Variants in ATL1 observed in about 807,000 individuals in gnomAD.
The protein encoded by ATL1 is atlastin-1.
Under a neutral mutation model 75.5 loss-of-function variants are expected in ATL1, and 31 were observed. The observed-to-expected ratio is 0.41, with a 90% confidence interval of 0.31 to 0.55. The LOEUF (loss-of-function observed/expected upper bound fraction) is 0.55, where lower values mean the gene tolerates loss of function less well. Among genes scored for constraint, ATL1 ranks in the 20% least tolerant of loss-of-function variants. The pLI is 0.27. For synonymous variants in ATL1, 226 were observed against 233.3 expected, an observed-to-expected ratio of 0.97 and a Z score of 0.28; for missense variants, 405 against 662.6, an observed-to-expected ratio of 0.61 and a Z score of 4.27.
chr14:50,539,213 A>T (rs1475354766), intron 1 of ATL1, among the ~76,000 whole-genome samples: 1 of 152,252 alleles, frequency 6.6e-6, no homozygotes, highest in Non-Finnish European at 1.5e-5. Flanking sequence ...ACAATTACTC[A>T]AACTATCAGC....
chr14:50,620,819 G>A (rs1473883985), intron 9 of ATL1, 93 bp downstream of exon 9: 5 of 1,410,258 alleles, frequency 3.5e-6, no homozygotes, highest in Non-Finnish European at 4.0e-6. Context: ...CCGATAATAT[G>A]GGAGCAAAGG....
chr14:50,592,909 G>A (rs1282039827), intron 4 of ATL1, among the ~76,000 whole-genome samples: 13 of 94,656 alleles, frequency 1.4e-4, no homozygotes, highest in African/African-American at 2.6e-4. Flanking sequence ...CGAGACTCCC[G>A]TCTCAAAAAA....
chr14:50,578,147 A>C (rs943948268), intron 1 of ATL1, among the ~76,000 whole-genome samples: 7 of 152,194 alleles, frequency 4.6e-5, no homozygotes, highest in Non-Finnish European at 5.9e-5. Context: ...GGAATATTTA[A>C]TATGGTATTT....
chr14:50,628,252 C>T lies in ATL1; in HGVS notation c.1341C>T (p.Thr447=), dbSNP rs2140239227. ...AAAATATCTTCCATGCAGCTCGTAC[C>T]CCAGCCACACTGTTTGTAGTCATCT... The part of the protein sequence containing the change: ...DSKNIFHAAR[T]PATLFVVIFI... Residue 447 remains threonine, a synonymous_variant, in exon 12 of 14, where the codon ACC becomes ACT. Coordinates refer to ENST00000358385, the MANE Select transcript of ATL1 (RefSeq NM_015915.5). 5 of 1,614,104 alleles carry T rather than the reference C, an allele frequency of 3.1e-6. No individual in the cohort carries two copies. The highest frequency in any genetic ancestry group is 4.2e-6 in the Non-Finnish European group (5 of 1,180,024).
rs1447704252 is a variant in ATL1, at chr14:50,630,823, G to C, written c.1566+814G>C. On this transcript the variant is annotated intron_variant, in intron 13 of 13. Coordinates refer to ENST00000358385, the MANE Select transcript of ATL1 (RefSeq NM_015915.5). ...AAAAGCAAAAGCAAATTTCAGCTTT[G>C]TAAATCAAAGCTTAAGAAAAAATAT... The C allele has an allele frequency of 4.6e-5, 16 of 348,474 alleles. No homozygotes were observed. In the Admixed American group the frequency reaches 5.6e-4, roughly 12 times the overall value. The allele number at this position is 348,474 out of a possible 1,614,324, so 21.6% of individuals were successfully genotyped here.
intron 8 of ATL1, among the ~76,000 whole-genome samples, chr14:50,618,954 A>G (rs2039440651): frequency 1.3e-5 from 2 of 151,706 alleles, no homozygotes; most frequent in Admixed American, 6.6e-5. Flanking sequence ...GCAGTGGCAC[A>G]ATCTTGGCTC....
rs2039597507 is a variant in ATL1 at position 50,632,892 on chromosome 14, T to C, written c.*553T>C. The C allele has an allele frequency of 6.5e-6, 1 of 153,082 alleles. No individual in the cohort carries two copies. Among genetic ancestry groups the C allele is most frequent in the African/African-American group, 2.4e-5 (1 of 41,450 alleles). 9.5% of individuals were successfully genotyped at this position (153,082 alleles called of 1,614,324 possible). A position where few individuals can be genotyped will look rare whatever the true frequency, so the allele number is the denominator to read the frequency against. ...ATGGTTTAATAGAATATAAACCTCT[T>C]GATAAAAAATGCACAAAAAATCACT... is the stretch of plus-strand genomic sequence containing the variant. On this transcript the variant is annotated 3_prime_UTR_variant, in exon 14 of 14. Coordinates refer to ENST00000358385, the MANE Select transcript of ATL1 (RefSeq NM_015915.5).
intron 6 of ATL1, among the ~76,000 whole-genome samples, chr14:50,603,818 GAAAAAAGACAGCT>G (rs1411041169): frequency 2.0e-5 from 3 of 152,074 alleles, no homozygotes; most frequent in Admixed American, 1.3e-4. Flanking sequence ...GAAATGATAT[GAAAAAAGACAGCT>G]GAGGAAGTTA....
At chr14:50,630,634 A>G (rs2039570679) in intron 13 of ATL1, among the ~76,000 whole-genome samples, 1 of 152,224 alleles carries the variant, frequency 6.6e-6, no homozygotes, top group Non-Finnish European at 1.5e-5. Context: ...TTAGGTCATT[A>G]TCTTCAGGAA....
chr14:50,561,374 C>T (rs950316688), intron 1 of ATL1, among the ~76,000 whole-genome samples: 9 of 152,308 alleles, frequency 5.9e-5, no homozygotes, highest in African/African-American at 2.2e-4. Context: ...GCTACTGTGG[C>T]TTGGTGGGTA....
intron 1 of ATL1, among the ~76,000 whole-genome samples, chr14:50,577,784 C>G (rs2039019001): frequency 1.3e-5 from 2 of 152,234 alleles, no homozygotes; most frequent in South Asian, 2.1e-4. Flanking sequence ...GTACTGGCTT[C>G]TTAACATAGT....
intron 1 of ATL1, among the ~76,000 whole-genome samples, chr14:50,553,630 T>C (rs2038730399): frequency 6.6e-6 from 1 of 152,212 alleles, no homozygotes; most frequent in Non-Finnish European, 1.5e-5. Flanking sequence ...TAAGTCATTA[T>C]GTGAAAAAGA....
chr14:50,591,445 G>T (rs2039157136), intron 3 of ATL1, 90 bp from the exon 4 acceptor site: 3 of 850,550 alleles, frequency 3.5e-6, no homozygotes, highest in African/African-American at 3.4e-5. Context: ...ATTAATAATG[G>T]TTTGCTTTAG....
In ATL1 at chr14:50,587,934, T is replaced by C; in HGVS notation, c.138T>C (p.Phe46=). 1 of 1,613,956 alleles carries C rather than the reference T, an allele frequency of 6.2e-7. No individual in the cohort carries two copies. The highest frequency in any genetic ancestry group is 8.5e-7 in the Non-Finnish European group (1 of 1,179,884). ...QVLIVKDDHS[F]ELDETALNRI... is the part of the protein sequence containing the mutation. ...TCATTGTCAAAGATGACCATTCCTT[T>C]GAGTTAGATGAAACTGCATTAAATC... is the stretch of plus-strand genomic sequence containing the variant. The change falls in exon 2 of 14, where the codon TTT becomes TTC. Residue 46 remains phenylalanine (F), a synonymous_variant. Coordinates refer to ENST00000358385, the MANE Select transcript of ATL1 (RefSeq NM_015915.5).
At chr14:50,578,926 T>C (rs552310173) in intron 1 of ATL1, among the ~76,000 whole-genome samples, 1 of 152,358 alleles carries the variant, frequency 6.6e-6, no homozygotes, top group South Asian at 2.1e-4. Context: ...ACCTGTAGTA[T>C]CTGTGAGTAC....
intron 1 of ATL1, among the ~76,000 whole-genome samples, chr14:50,587,322 A>G (rs2039111468): frequency 6.6e-6 from 1 of 152,242 alleles, no homozygotes; most frequent in Non-Finnish European, 1.5e-5. Context: ...TCATATGATC[A>G]GAAAGAACAA....
intron 8 of ATL1, among the ~76,000 whole-genome samples, chr14:50,616,336 T>C (rs1254258750): frequency 6.7e-6 from 1 of 150,258 alleles, no homozygotes; most frequent in African/African-American, 2.5e-5. Flanking sequence ...TTGCTCTGTC[T>C]ATCAGGCTGG....
chr14:50,538,118 TG>T (rs1566703954), intron 1 of ATL1, among the ~76,000 whole-genome samples: 1 of 152,134 alleles, frequency 6.6e-6, no homozygotes, highest in Non-Finnish European at 1.5e-5. Flanking sequence ...AATTGAATCA[TG>T]GGGGCAAATC....
chr14:50,572,144 G>A (rs571060773), intron 1 of ATL1: 2 of 395,162 alleles, frequency 5.1e-6, no homozygotes, highest in South Asian at 4.3e-5. Context: ...TGCTCATGGT[G>A]TCTTTTCCGT....
Sources: gnomAD v4.1 joint callset for allele counts (sites outside exome capture counted in the v4.1 genomes callset) on GRCh38, gnomAD v4.1.1 for gene constraint, MANE v1.5 for transcripts, NCBI Gene and HGNC (gene_info 2026-07-23, HGNC 2026-07-21) for gene names.